Variants in ITK observed in about 807,000 individuals in gnomAD.
The protein encoded by ITK is tyrosine-protein kinase ITK/TSK.
A neutral mutation model predicts 87.6 loss-of-function variants in ITK; 45 were observed. The observed-to-expected ratio is 0.51, with a 90% CI of 0.40 to 0.66. ITK has a LOEUF of 0.66. Ranked by LOEUF, ITK falls within the 30% of genes least tolerant of loss-of-function variation. The probability of loss-of-function intolerance (pLI) is 0.00; values close to 1 mark genes in which losing one functional copy is unlikely to be tolerated. For synonymous variants in ITK, 303 were observed against 273.6 expected (o/e 1.11, Z -1.06); for missense variants, 605 against 766.3 (o/e 0.79, Z 2.48).
intron 3 of ITK, among the ~76,000 whole-genome samples, chr5:157,213,131 A>T (rs1561653975): frequency 1.3e-5 from 2 of 152,158 alleles, no homozygotes; most frequent in Non-Finnish European, 1.5e-5. Context: ...GCCTCAGGAA[A>T]CTTACAATCA....
intron 1 of ITK, among the ~76,000 whole-genome samples, chr5:157,203,674 G>A (rs560137557): frequency 2.6e-5 from 4 of 152,334 alleles, no homozygotes; most frequent in African/African-American, 9.6e-5. Context: ...TGAAAAAACA[G>A]GTTAACCATT....
chr5:157,206,247 G>A (rs189036482), intron 1 of ITK, among the ~76,000 whole-genome samples: 126 of 152,098 alleles, frequency 8.3e-4, no homozygotes, highest in Admixed American at 6.7e-3. Flanking sequence ...GAGCCACCAC[G>A]CCTGGCTGGA....
chr5:157,191,095 T>A (rs544161916), intron 1 of ITK, among the ~76,000 whole-genome samples: 4 of 152,120 alleles, frequency 2.6e-5, no homozygotes, highest in African/African-American at 9.6e-5. Flanking sequence ...ATCCTACGAG[T>A]TGTTCTTCAG....
chr5:157,233,928 G>GATATAT (rs1554102416), intron 8 of ITK, among the ~76,000 whole-genome samples: 36 of 45,564 alleles, frequency 7.9e-4, no homozygotes, highest in Non-Finnish European at 1.3e-3. Context: ...CCTCCTTACT[G>GATATAT]ATACATATAT....
intron 2 of ITK, among the ~76,000 whole-genome samples, chr5:157,209,725 C>G (rs968561796): frequency 2.0e-5 from 3 of 152,128 alleles, no homozygotes; most frequent in Non-Finnish European, 2.9e-5. Context: ...ATTTTATAAT[C>G]TGAGGACTAT....
intron 7 of ITK, among the ~76,000 whole-genome samples, chr5:157,230,860 T>C (rs1262680310): frequency 6.6e-6 from 1 of 152,204 alleles, no homozygotes; most frequent in Non-Finnish European, 1.5e-5. Context: ...TTTTAAGCCA[T>C]TTTAAAAATA....
At chr5:157,185,741 G>A (rs1376040052) in intron 1 of ITK, among the ~76,000 whole-genome samples, 1 of 151,898 alleles carries the variant, frequency 6.6e-6, no homozygotes, top group African/African-American at 2.4e-5. Context: ...TTACACAGGA[G>A]GGTGAGGTGG....
intron 3 of ITK, chr5:157,213,816 G>T (rs1754242315): frequency 2.0e-5 from 7 of 358,748 alleles, no homozygotes; most frequent in South Asian, 1.6e-4. Context: ...GGAGAGGTGG[G>T]GGGTGGTAAT....
chr5:157,250,631 C>T (rs1755123047), intron 16 of ITK, among the ~76,000 whole-genome samples: 1 of 152,044 alleles, frequency 6.6e-6, no homozygotes, highest in Non-Finnish European at 1.5e-5. Flanking sequence ...ATCCTCCTAC[C>T]TCAGCCTCCC....
At chr5:157,208,606 T>C in intron 1 of ITK, among the ~76,000 whole-genome samples, 1 of 152,162 alleles carries the variant, frequency 6.6e-6, no homozygotes, top group South Asian at 2.1e-4. Context: ...GTTCTGCCAA[T>C]GCTGCCATTT....
chr5:157,212,695 T>C (rs1173517459), intron 3 of ITK, among the ~76,000 whole-genome samples: 2 of 151,794 alleles, frequency 1.3e-5, no homozygotes. Context: ...CTACTAAAAA[T>C]AAAAACATTA....
chr5:157,228,327 G>A lies in ITK; in HGVS notation c.679G>A (p.Val227Met), dbSNP rs1580897546. 1 of 1,606,844 alleles carries A rather than the reference G, an allele frequency of 6.2e-7. No homozygotes were observed. The highest frequency in any genetic ancestry group is 8.5e-7 in the Non-Finnish European group (1 of 1,173,550). The stretch of plus-strand genomic sequence containing the variant: ...AGGATATGTACCAAGCAGTTATCTG[G>A]TGGAAAAATCTCCAAATAATCTGGA... ...HEGYVPSSYL[V>M]EKSPNNLETY... is the part of the protein sequence containing the mutation. Residue 227 changes from valine (V) to methionine (M), a missense_variant, in exon 7 of 17, where the codon GTG becomes ATG. By Grantham distance (21) the Val-to-Met change is conservative. Coordinates refer to ENST00000422843, the MANE Select transcript of ITK (RefSeq NM_005546.4).
intron 5 of ITK, among the ~76,000 whole-genome samples, chr5:157,222,504 T>C (rs61493656): frequency 0.015 from 2,359 of 152,302 alleles, 53 homozygotes; most frequent in African/African-American, 0.053. Context: ...CCACAAATCA[T>C]ATTAGTAAAG....
At chr5:157,190,777 C>A (rs1331345377) in intron 1 of ITK, among the ~76,000 whole-genome samples, 1 of 151,966 alleles carries the variant, frequency 6.6e-6, no homozygotes, top group Non-Finnish European at 1.5e-5. Flanking sequence ...GTACAAAGAC[C>A]CTGAGGAAGG....
chr5:157,183,974 T>C (rs1753592585), intron 1 of ITK, among the ~76,000 whole-genome samples: 1 of 152,134 alleles, frequency 6.6e-6, no homozygotes, highest in Non-Finnish European at 1.5e-5. Context: ...TTTAACATGG[T>C]TTTAGTTCTG....
At chr5:157,190,389 C>T (rs970897507) in intron 1 of ITK, among the ~76,000 whole-genome samples, 1 of 152,140 alleles carries the variant, frequency 6.6e-6, no homozygotes, top group Non-Finnish European at 1.5e-5. Context: ...TCAATTTATT[C>T]ATTTGTTCCG....
At chr5:157,214,976 G>A (rs529173152) in intron 4 of ITK, among the ~76,000 whole-genome samples, 1 of 152,288 alleles carries the variant, frequency 6.6e-6, no homozygotes, top group African/African-American at 2.4e-5. Context: ...TGACAGTAAA[G>A]GCTCAGGTCC....
chr5:157,227,774 A>G (rs1009182442), intron 6 of ITK, among the ~76,000 whole-genome samples: 3 of 151,496 alleles, frequency 2.0e-5, no homozygotes, highest in Non-Finnish European at 2.9e-5. Context: ...TCAGTAGTGA[A>G]ATCAACCTGC....
intron 1 of ITK, among the ~76,000 whole-genome samples, chr5:157,193,979 A>G (rs897994534): frequency 1.3e-5 from 2 of 152,200 alleles, no homozygotes; most frequent in African/African-American, 2.4e-5. Context: ...GAACAAGATA[A>G]AAGTAAAATT....
Sources: gnomAD v4.1 joint callset for allele counts (sites outside exome capture counted in the v4.1 genomes callset) on GRCh38, gnomAD v4.1.1 for gene constraint, MANE v1.5 for transcripts, NCBI Gene and HGNC (gene_info 2026-07-23, HGNC 2026-07-21) for gene names.